Variants in ODAD2 observed in about 807,000 individuals in gnomAD.
The protein encoded by ODAD2 is outer dynein arm-docking complex subunit 2.
In ODAD2, 89 loss-of-function variants were observed where a neutral mutation model predicts 106.8. The observed-to-expected ratio is 0.83, with a 90% confidence interval of 0.70 to 0.99. The LOEUF (loss-of-function observed/expected upper bound fraction) is 0.99. ODAD2 is among the 50% of genes least tolerant of loss of function. The pLI is 0.00. For missense variants in ODAD2, 1,168 were observed against 1,238.5 expected, an observed-to-expected ratio of 0.94 and a Z score of 0.85; for synonymous variants, 404 against 436.2, an observed-to-expected ratio of 0.93 and a Z score of 0.92.
At chr10:27,830,516 G>A (rs7071799) in intron 19 of ODAD2, among the ~76,000 whole-genome samples, 6,405 of 152,280 alleles carry the variant, frequency 0.042, 467 homozygotes, top group African/African-American at 0.15. Flanking sequence ...AGAGAAGAGA[G>A]TTTTTCAGCC....
chr10:27,853,381 A>AATAG (rs1345432658), intron 19 of ODAD2: 4 of 278,816 alleles, frequency 1.4e-5, no homozygotes, highest in African/African-American at 9.2e-5. Flanking sequence ...TAAATAAATA[A>AATAG]ATAAATAAAT....
At chr10:27,993,970 A>ATGTGTGTGTGTGTG (rs1247501567) in intron 2 of ODAD2, among the ~76,000 whole-genome samples, 2 of 108,444 alleles carry the variant, frequency 1.8e-5, no homozygotes, top group African/African-American at 6.3e-5. Context: ...ATATATATAT[A>ATGTGTGTGTGTGTG]TATATGTGTG....
At chr10:27,988,187 A>T (rs1447002724) in intron 2 of ODAD2, among the ~76,000 whole-genome samples, 2 of 151,776 alleles carry the variant, frequency 1.3e-5, no homozygotes, top group Non-Finnish European at 2.9e-5. Context: ...GATTTTTTTC[A>T]GGTTGGCCTT....
intron 7 of ODAD2, among the ~76,000 whole-genome samples, chr10:27,972,674 G>C (rs571817742): frequency 3.3e-5 from 5 of 152,212 alleles, no homozygotes; most frequent in Admixed American, 1.3e-4. Context: ...TATTAACAGG[G>C]ACGAAGAGGA....
At chr10:27,971,387 G>A (rs1848851122) in intron 7 of ODAD2, 74 bp from the exon 8 acceptor site, 2 of 1,252,808 alleles carry the variant, frequency 1.6e-6, no homozygotes, top group South Asian at 1.6e-5. Flanking sequence ...TAATGCCAGT[G>A]GTAAATTCAG....
chr10:27,938,961 A>G (rs1395551626), intron 14 of ODAD2, among the ~76,000 whole-genome samples: 1 of 152,074 alleles, frequency 6.6e-6, no homozygotes, highest in African/African-American at 2.4e-5. Context: ...TCCTCTAGCA[A>G]ACCTACTCTG....
At position 27,860,668 on chromosome 10, in the gene ODAD2, T is replaced by C. The variant is rs1438166038; in HGVS notation, c.2978A>G (p.Asp993Gly). The change falls in exon 19 of 20, where the codon GAC (aspartate) becomes GGC (glycine). Residue 993 changes from aspartate to glycine, a missense_variant. Around this residue, in one of 3 missense-constraint regions of ODAD2, gnomAD observed 701 missense variants for 712.3 expected, o/e 0.98. Transcript: ENST00000305242. ...TAQALYQLSE[D>G]ADNCITMHEN... ...ATGCATGGTGATGCAGTTATCGGCGTCTTCTGAGAGTTGGTACAAGGCCTG... is the reference window on the plus strand; with the variant it reads ...ATGCATGGTGATGCAGTTATCGGCGCCTTCTGAGAGTTGGTACAAGGCCTG... 6.2e-7 allele frequency: 1 copy of C among 1,614,142 alleles called. No homozygotes were observed. Among genetic ancestry groups the C allele is most frequent in the Non-Finnish European group, 8.5e-7 (1 of 1,180,026 alleles).
chr10:27,865,787 A>G (rs999290655), intron 17 of ODAD2, among the ~76,000 whole-genome samples: 1 of 152,174 alleles, frequency 6.6e-6, no homozygotes, highest in African/African-American at 2.4e-5. Flanking sequence ...CTAAACTCCT[A>G]CTAAATGGTG....
intron 17 of ODAD2, among the ~76,000 whole-genome samples, chr10:27,872,736 T>G (rs780837000): frequency 1.7e-4 from 26 of 152,340 alleles, no homozygotes; most frequent in African/African-American, 3.4e-4. Context: ...AGCTTTTTGA[T>G]GTGCTGCTGG....
intron 17 of ODAD2, among the ~76,000 whole-genome samples, chr10:27,868,817 T>C (rs1840645686): frequency 6.6e-6 from 1 of 151,998 alleles, no homozygotes; most frequent in African/African-American, 2.4e-5. Context: ...ATTCTGCACA[T>C]GTATCTTGGA....
At chr10:27,926,479 C>CA (rs1301677307) in intron 16 of ODAD2, among the ~76,000 whole-genome samples, 1 of 151,540 alleles carries the variant, frequency 6.6e-6, no homozygotes, top group African/African-American at 2.4e-5. Context: ...AAACAAAATT[C>CA]ATATGAAGAA....
intron 16 of ODAD2, among the ~76,000 whole-genome samples, chr10:27,920,030 T>G (rs1424830654): frequency 6.6e-6 from 1 of 151,950 alleles, no homozygotes; most frequent in Non-Finnish European, 1.5e-5. Flanking sequence ...CTATAGTTTA[T>G]AGGGATGAAT....
At chr10:27,987,999 CAA>C (rs988573143) in intron 2 of ODAD2, among the ~76,000 whole-genome samples, 1 of 148,964 alleles carries the variant, frequency 6.7e-6, no homozygotes, top group African/African-American at 2.5e-5. Context: ...TGTTTATGAA[CAA>C]AAAAACTATG....
intron 12 of ODAD2, among the ~76,000 whole-genome samples, chr10:27,942,408 C>T (rs1296742586): frequency 6.6e-6 from 1 of 152,088 alleles, no homozygotes; most frequent in Non-Finnish European, 1.5e-5. Context: ...AGAAAAATGC[C>T]ATAGGAACTT....
At chr10:27,935,657 G>A (rs530565439) in intron 15 of ODAD2, among the ~76,000 whole-genome samples, 39 of 150,802 alleles carry the variant, frequency 2.6e-4, no homozygotes, top group Non-Finnish European at 4.0e-4. Flanking sequence ...ACCTATTTGG[G>A]TTTAATAGGT....
intron 17 of ODAD2, among the ~76,000 whole-genome samples, chr10:27,880,827 G>T (rs999253818): frequency 6.6e-6 from 1 of 152,158 alleles, no homozygotes; most frequent in African/African-American, 2.4e-5. Context: ...GTAGTATTTT[G>T]TTATAGGAGC....
chr10:27,823,776 G>T (rs1836798014), intron 19 of ODAD2, among the ~76,000 whole-genome samples: 1 of 152,064 alleles, frequency 6.6e-6, no homozygotes. Context: ...TTAACATAAG[G>T]TTCATGGTGT....
chr10:27,889,792 T>C (rs1239291859), intron 17 of ODAD2, among the ~76,000 whole-genome samples: 1 of 152,180 alleles, frequency 6.6e-6, no homozygotes, highest in African/African-American at 2.4e-5. Flanking sequence ...CTCAGTTTTG[T>C]TGGCCAATTT....
At chr10:27,966,698 T>C (rs1457000445) in intron 9 of ODAD2, among the ~76,000 whole-genome samples, 3 of 152,240 alleles carry the variant, frequency 2.0e-5, no homozygotes, top group Non-Finnish European at 2.9e-5. Flanking sequence ...CTTTCATTTT[T>C]ATCACTGAGT....
Sources: allele counts gnomAD v4.1 joint callset (sites outside exome capture counted in the v4.1 genomes callset), GRCh38; gene constraint gnomAD v4.1.1; regional missense constraint gnomAD v4.1.1; transcripts MANE v1.5; gene names NCBI Gene and HGNC (gene_info 2026-07-23, HGNC 2026-07-21).